RND1: variants seen among roughly 807,000 people sequenced by gnomAD.
RND1 encodes Rho family GTPase 1, also known as rho-related GTP-binding protein Rho6.
RND1 carries 9 observed loss-of-function variants against 27.1 expected under a neutral mutation model. That is an observed-to-expected ratio of 0.33 (90% CI 0.20 to 0.58). The LOEUF is 0.58. RND1 is among the 20% of genes least tolerant of loss of function. The probability of loss-of-function intolerance (pLI) is 0.86; values close to 1 mark genes in which losing one functional copy is unlikely to be tolerated. For missense variants in RND1, 253 were observed against 292.2 expected (o/e 0.87, Z 0.98); for synonymous variants, 108 against 115.7 (o/e 0.93, Z 0.43).
chr12:48,864,758 G>T (rs371656679), intron 2 of RND1, 25 bp downstream of exon 2: 394 of 1,522,952 alleles, frequency 2.6e-4, no homozygotes, highest in Non-Finnish European at 3.0e-4. Flanking sequence ...GGGTGGGAAA[G>T]GGGTATTTGG....
chr12:48,865,050 G>A (rs1350291284), intron 1 of RND1, among the ~76,000 whole-genome samples, 180 bp from the exon 2 acceptor site: 1 of 152,220 alleles, frequency 6.6e-6, no homozygotes, highest in Admixed American at 6.5e-5. Context: ...CTCTGCAGCA[G>A]TGAGAAATGT....
chr12:48,864,416 T>TGTGTGTGTGTGTGTGTGTGTGCGC (rs141121524), intron 2 of RND1, among the ~76,000 whole-genome samples: 4 of 135,456 alleles, frequency 3.0e-5, no homozygotes, highest in African/African-American at 1.1e-4. Context: ...TGTGTGTGTG[T>TGTGTGTGTGTGTGTGTGTGTGCGC]GCGCGCGCGC....
At chr12:48,863,883 G>T (rs1357171478) in intron 2 of RND1, among the ~76,000 whole-genome samples, 4 of 152,018 alleles carry the variant, frequency 2.6e-5, no homozygotes, top group African/African-American at 9.7e-5. Context: ...CTTATTCCCG[G>T]CTTTTACTCC....
chr12:48,857,942 C>G lies in RND1; in HGVS notation c.*54G>C. 1.3e-6 allele frequency: 2 copies of G among 1,537,044 alleles called. No individual in the cohort carries two copies. The highest frequency in any genetic ancestry group is 1.7e-6 in the Non-Finnish European group (2 of 1,143,160). On this transcript the variant is annotated 3_prime_UTR_variant, in exon 5 of 5. Transcript: ENST00000309739. The stretch of plus-strand genomic sequence containing the variant: ...TGTCTCATCCTCCCTCTCCCCGTGC[C>G]TCTGCACCCCAAGGGAGGAAGTAGG...
chr12:48,863,665 T>C (rs886679736), intron 2 of RND1, among the ~76,000 whole-genome samples: 10 of 152,106 alleles, frequency 6.6e-5, no homozygotes, highest in African/African-American at 1.9e-4. Context: ...AATTTTTGTT[T>C]GGGGAGGAAA....
chr12:48,864,034 A>G (rs1938952210), intron 2 of RND1, among the ~76,000 whole-genome samples: 1 of 152,132 alleles, frequency 6.6e-6, no homozygotes, highest in Non-Finnish European at 1.5e-5. Context: ...TCTACATTCT[A>G]GAGAGACAGG....
At chr12:48,861,204 A>C in intron 3 of RND1, 73 bp from the exon 4 acceptor site, 2 of 1,500,566 alleles carry the variant, frequency 1.3e-6, no homozygotes. Context: ...AGATACCAGG[A>C]GAAGCTTGGC....
Position 48,857,726 on chromosome 12 carries a change from T to A in RND1, c.*270A>T. 1 of 326,962 alleles carries A rather than the reference T, an allele frequency of 3.1e-6. No individual in the cohort carries two copies. The highest frequency in any genetic ancestry group is 5.6e-6 in the Non-Finnish European group (1 of 179,984). The allele number at this position is 326,962 out of a possible 1,614,324, so 20.3% of individuals were successfully genotyped here. A position where few individuals can be genotyped will look rare whatever the true frequency, so the allele number is the denominator to read the frequency against. Reference sequence around the variant, plus strand: ...GCATGCCCCCCGTCCCCCACAGCTTTCCTTCCTCTGGAGCGGGGGGGGCAC... The same window carrying A: ...GCATGCCCCCCGTCCCCCACAGCTTACCTTCCTCTGGAGCGGGGGGGGCAC... On this transcript the variant is annotated 3_prime_UTR_variant, in exon 5 of 5. Coordinates refer to ENST00000309739, the MANE Select transcript of RND1 (RefSeq NM_014470.4).
chr12:48,857,999 C>T lies in RND1; in HGVS notation c.696G>A (p.Met232Ile). Residue 232 changes from methionine (M) to isoleucine (I), a missense_variant, in exon 5 of 5, where the codon ATG (methionine) becomes ATA (isoleucine). Physicochemically the swap from Met to Ile is conservative, Grantham distance 10 (BLOSUM62 1). Coordinates refer to ENST00000309739, the MANE Select transcript of RND1 (RefSeq NM_014470.4). ...TCTCCCCCCTCCAATTTCCACTTCA[C>T]ATAATGGAACAGCTTTTGGCCTTTT... ...KKEKAKSCSI[M>I] The T allele has an allele frequency of 6.3e-7, 1 of 1,596,660 alleles. No individual in the cohort carries two copies. The highest frequency in any genetic ancestry group is 8.5e-7 in the Non-Finnish European group (1 of 1,170,402).
At chr12:48,861,159 G>A (rs1938914847) in intron 3 of RND1, 28 bp from the exon 4 acceptor site, 3 of 1,581,618 alleles carry the variant, frequency 1.9e-6, no homozygotes, top group South Asian at 2.3e-5. Context: ...AAGAAGGGTA[G>A]GAGAAGGAGG....
intron 1 of RND1, among the ~76,000 whole-genome samples, chr12:48,865,152 C>T (rs930523762): frequency 1.3e-5 from 2 of 152,266 alleles, no homozygotes. Context: ...CCTCCCATCC[C>T]CAGATTTGTG....
intron 3 of RND1, 115 bp downstream of exon 3, chr12:48,861,894 T>G (rs1938923395): frequency 1.4e-6 from 1 of 724,380 alleles, no homozygotes. Context: ...GGCAAATCTC[T>G]TCCTTCCCTG....
chr12:48,864,437 GCA>G (rs1491566785), intron 2 of RND1, among the ~76,000 whole-genome samples: 22 of 151,506 alleles, frequency 1.5e-4, no homozygotes, highest in African/African-American at 5.3e-4. Flanking sequence ...GCGTGTGTGT[GCA>G]TGTGTGTACG....
chr12:48,864,515 AT>A (rs1394607428), intron 2 of RND1, among the ~76,000 whole-genome samples: 1 of 151,568 alleles, frequency 6.6e-6, no homozygotes, highest in Non-Finnish European at 1.5e-5. Context: ...CCCCAGGACT[AT>A]TCATGGGTCC....
Position 48,864,416 on chromosome 12 carries a change from T to TGTGTGTGTGTGTGCGC in RND1, c.208+366_208+367insGCGCACACACACACAC, listed in dbSNP as rs141121524. On this transcript the variant is annotated intron_variant, in intron 2 of 4. Transcript: ENST00000309739. ...GTGTGTGTGTGTGTGTGTGTGTGTGTGCGCGCGCGCGCGTGTGTGTGCATG... is the reference window on the plus strand; with the variant it reads ...GTGTGTGTGTGTGTGTGTGTGTGTGTGTGTGTGTGTGTGCGCGCGCGCGCGCGCGTGTGTGTGCATG... 4.5e-3 allele frequency among the ~76,000 whole-genome samples: 613 copies of TGTGTGTGTGTGTGCGC among 135,524 alleles called. 2 individuals carry two copies. The highest frequency in any genetic ancestry group is 0.016 in the African/African-American group (578 of 36,830). The allele number at this position is 135,524 out of a possible 152,430, so 88.9% of individuals were successfully genotyped here.
At chr12:48,865,596 A>G in intron 1 of RND1, 52 bp downstream of exon 1, 1 of 1,567,122 alleles carries the variant, frequency 6.4e-7, no homozygotes, top group Non-Finnish European at 8.7e-7. Context: ...AATCTACCCC[A>G]AGGCGGGCAG....
chr12:48,860,891 T>A, intron 4 of RND1, 106 bp downstream of exon 4: 1 of 1,519,980 alleles, frequency 6.6e-7, no homozygotes, highest in Non-Finnish European at 9.0e-7. Flanking sequence ...TAACAGCAAT[T>A]CTCTCTTGCC....
intron 2 of RND1, among the ~76,000 whole-genome samples, chr12:48,864,416 T>TGTGCGCGCGCGCGC (rs141121524): frequency 1.5e-5 from 2 of 135,460 alleles, no homozygotes; most frequent in Admixed American, 7.1e-5. Context: ...TGTGTGTGTG[T>TGTGCGCGCGCGCGC]GCGCGCGCGC....
chr12:48,858,364 T>A, intron 4 of RND1, 123 bp from the exon 5 acceptor site: 4 of 940,290 alleles, frequency 4.3e-6, no homozygotes, highest in South Asian at 1.8e-5. Flanking sequence ...AACACCACCC[T>A]CTGCAGATTA....
Sources: gnomAD v4.1 joint callset for allele counts (sites outside exome capture counted in the v4.1 genomes callset) on GRCh38, gnomAD v4.1.1 for gene constraint, MANE v1.5 for transcripts, NCBI Gene and HGNC (gene_info 2026-07-23, HGNC 2026-07-21) for gene names.